Variants in RNF6 observed in about 807,000 individuals in gnomAD.
RNF6 encodes E3 ubiquitin-protein ligase RNF6.
In RNF6, 21 loss-of-function variants were observed where a neutral mutation model predicts 50.1. The ratio of observed to expected loss-of-function variants is 0.42; its 90% CI spans 0.30 to 0.60. The LOEUF (loss-of-function observed/expected upper bound fraction) is 0.60, where lower values mean the gene tolerates loss of function less well. RNF6 is among the 20% of genes least tolerant of loss of function. The probability of loss-of-function intolerance (pLI) is 0.20; values close to 1 mark genes in which losing one functional copy is unlikely to be tolerated. For synonymous variants in RNF6, 255 were observed against 291.8 expected (o/e 0.87, Z 1.29); for missense variants, 698 against 838.2 (o/e 0.83, Z 2.07).
At chr13:26,195,009 C>A (rs978040353) in intron 5 of RNF6, among the ~76,000 whole-genome samples, 4 of 152,136 alleles carry the variant, frequency 2.6e-5, no homozygotes, top group Non-Finnish European at 5.9e-5. Flanking sequence ...ATCCTTCAAT[C>A]CAATCAAGAT....
intron 5 of RNF6, among the ~76,000 whole-genome samples, chr13:26,172,822 C>T (rs533653215): frequency 3.0e-4 from 46 of 152,138 alleles, no homozygotes; most frequent in African/African-American, 1.0e-3. Flanking sequence ...GGATTACAGG[C>T]GTGAGCCACC....
At chr13:26,154,805 G>A (rs1871819671) in intron 5 of RNF6, among the ~76,000 whole-genome samples, 1 of 152,152 alleles carries the variant, frequency 6.6e-6, no homozygotes, top group South Asian at 2.1e-4. Context: ...TGAAGTGGGT[G>A]GATCACTTGA....
intron 5 of RNF6, among the ~76,000 whole-genome samples, chr13:26,166,477 C>T (rs1872457130): frequency 6.6e-6 from 1 of 152,156 alleles, no homozygotes; most frequent in African/African-American, 2.4e-5. Flanking sequence ...CCCAAAAGTT[C>T]CTTCAGCTGA....
chr13:26,216,758 G>A (rs1253977546), intron 4 of RNF6, among the ~76,000 whole-genome samples: 1 of 152,114 alleles, frequency 6.6e-6, no homozygotes, highest in Non-Finnish European at 1.5e-5. Context: ...TTCGAGACCA[G>A]CCTGACTGAC....
chr13:26,134,673 T>G (rs1348624557), intron 5 of RNF6, among the ~76,000 whole-genome samples: 2 of 152,060 alleles, frequency 1.3e-5, no homozygotes, highest in African/African-American at 2.4e-5. Context: ...TCTTCGTAGG[T>G]TTTTTCTTTA....
chr13:26,187,299 G>T (rs969537889), intron 5 of RNF6, among the ~76,000 whole-genome samples: 2 of 152,188 alleles, frequency 1.3e-5, no homozygotes, highest in African/African-American at 4.8e-5. Context: ...AAATTAAGCC[G>T]GCACAAGAAG....
chr13:26,177,549 C>A (rs1330627762), intron 5 of RNF6, among the ~76,000 whole-genome samples: 2 of 152,140 alleles, frequency 1.3e-5, no homozygotes, highest in Non-Finnish European at 2.9e-5. Context: ...AGGTGATAAC[C>A]ATAACCATGA....
chr13:26,188,953 A>G lies in RNF6; in HGVS notation n.768+26521T>C, dbSNP rs542603224. 4.6e-5 allele frequency among the ~76,000 whole-genome samples: 7 copies of G among 152,208 alleles called. No individual in the cohort carries two copies. The East Asian group carries it at 1.4e-3, about 29-fold the overall frequency. ...CAGAACAGATTTCTGAAGAGGTTGTATGCAAACTGATTATTGTAGACTCAA... is the reference window on the plus strand; with the variant it reads ...CAGAACAGATTTCTGAAGAGGTTGTGTGCAAACTGATTATTGTAGACTCAA... On this transcript the variant is annotated intron_variant and non_coding_transcript_variant, in intron 5 of 5. Coordinates refer to the RNF6 transcript ENST00000468480.
chr13:26,166,339 A>G (rs1485546582), intron 5 of RNF6, among the ~76,000 whole-genome samples: 2 of 152,176 alleles, frequency 1.3e-5, no homozygotes, highest in Admixed American at 6.5e-5. Context: ...GAACTAATAC[A>G]GAAGTCCTGA....
chr13:26,189,686 G>C (rs1048125830), intron 5 of RNF6, among the ~76,000 whole-genome samples: 1 of 152,040 alleles, frequency 6.6e-6, no homozygotes, highest in Non-Finnish European at 1.5e-5. Context: ...CTGAGTTTGA[G>C]ACAGGTAGCA....
At chr13:26,183,841 A>G (rs1204535724) in intron 5 of RNF6, among the ~76,000 whole-genome samples, 3 of 148,852 alleles carry the variant, frequency 2.0e-5, no homozygotes, top group African/African-American at 7.4e-5. Context: ...TCTACAATAT[A>G]TTCCTCGAAT....
upstream of RNF6, chr13:26,222,728 C>A (rs770355458): frequency 6.6e-6 from 1 of 152,338 alleles, no homozygotes; most frequent in African/African-American, 2.4e-5. Flanking sequence ...TCACTGCAGC[C>A]TCCAGCGATC....
intron 5 of RNF6, among the ~76,000 whole-genome samples, chr13:26,159,684 A>G (rs372099554): frequency 6.6e-6 from 1 of 152,178 alleles, no homozygotes; most frequent in African/African-American, 2.4e-5. Flanking sequence ...AATTCCATTT[A>G]GGCTAAGTAT....
chr13:26,178,591 CGTGTGTGTGTGTGTGTGTGTGTGTGT>C (rs3981342), intron 5 of RNF6, among the ~76,000 whole-genome samples: 1 of 100,324 alleles, frequency 1.0e-5, no homozygotes, highest in Non-Finnish European at 2.0e-5. Flanking sequence ...CTGCCTGGTC[CGTGTGTGTGTGTGTGTGTGTGTGTGT>C]GTGTGTGTGT....
chr13:26,134,482 T>G (rs1182247337), intron 5 of RNF6, among the ~76,000 whole-genome samples: 2 of 152,082 alleles, frequency 1.3e-5, no homozygotes, highest in Non-Finnish European at 2.9e-5. Context: ...TGTTTTTTGT[T>G]TTTTTTTGGT....
At chr13:26,176,637 A>C (rs1872969351) in intron 5 of RNF6, among the ~76,000 whole-genome samples, 1 of 152,200 alleles carries the variant, frequency 6.6e-6, no homozygotes, top group South Asian at 2.1e-4. Flanking sequence ...TCCTTAAAAG[A>C]AGAGGAAAAT....
intron 2 of RNF6, among the ~76,000 whole-genome samples, chr13:26,220,296 G>A (rs1279716058): frequency 6.6e-6 from 1 of 152,108 alleles, no homozygotes; most frequent in African/African-American, 2.4e-5. Context: ...TATGGCTCAA[G>A]GATTGTGAAA....
At chr13:26,151,043 A>C (rs2137583694) in intron 5 of RNF6, 1 of 152,348 alleles carries the variant, frequency 6.6e-6, no homozygotes, top group African/African-American at 2.4e-5. Context: ...AGACATGTTA[A>C]ATAAAAAGGG....
chr13:26,200,969 A>G (rs1275103575), intron 5 of RNF6, among the ~76,000 whole-genome samples: 1 of 152,236 alleles, frequency 6.6e-6, no homozygotes, highest in East Asian at 1.9e-4. Flanking sequence ...TGATTCAGCA[A>G]TTCTGTTTCT....
Sources: gnomAD v4.1 joint callset for allele counts (sites outside exome capture counted in the v4.1 genomes callset) on GRCh38, gnomAD v4.1.1 for gene constraint, MANE v1.5 for transcripts, NCBI Gene and HGNC (gene_info 2026-07-23, HGNC 2026-07-21) for gene names.